Variants in ARMC8 observed in about 807,000 individuals in gnomAD.
ARMC8 encodes the protein armadillo repeat containing 8.
In ARMC8, 20 loss-of-function variants were observed where a neutral mutation model predicts 99.3. The ratio of observed to expected loss-of-function variants is 0.20; its 90% CI spans 0.14 to 0.29. ARMC8 has a LOEUF of 0.29. Ranked by LOEUF, ARMC8 falls within the 10% of genes least tolerant of loss-of-function variation. The pLI is 1.00. For synonymous variants in ARMC8, 263 were observed against 278.3 expected (o/e 0.95, Z 0.55); for missense variants, 569 against 809.5 (o/e 0.70, Z 3.60).
intron 2 of ARMC8, among the ~76,000 whole-genome samples, chr3:138,213,610 A>G (rs1452364608): frequency 6.6e-6 from 1 of 152,192 alleles, no homozygotes; most frequent in African/African-American, 2.4e-5. Context: ...CAGTTAAACT[A>G]CCCTGCATTG....
At chr3:138,255,745 C>T (rs987182682) in intron 12 of ARMC8, among the ~76,000 whole-genome samples, 2 of 152,124 alleles carry the variant, frequency 1.3e-5, no homozygotes, top group African/African-American at 4.8e-5. Context: ...TTTGGGAGGC[C>T]GAGGTGAATA....
intron 20 of ARMC8, among the ~76,000 whole-genome samples, chr3:138,289,973 A>G (rs2050784273): frequency 6.6e-6 from 1 of 152,198 alleles, no homozygotes; most frequent in Non-Finnish European, 1.5e-5. Context: ...TTCCGCCCAC[A>G]GACCTAGATA....
chr3:138,208,915 C>T (rs1202564130), intron 1 of ARMC8, among the ~76,000 whole-genome samples: 1 of 152,220 alleles, frequency 6.6e-6, no homozygotes, highest in Admixed American at 6.5e-5. Context: ...ATTCTACCCA[C>T]CCTTATCCAG....
intron 15 of ARMC8, among the ~76,000 whole-genome samples, chr3:138,268,551 C>T (rs77657600): frequency 1.3e-5 from 2 of 152,104 alleles, no homozygotes; most frequent in African/African-American, 2.4e-5. Context: ...ATCACTAATA[C>T]GATTTTTTTA....
chr3:138,191,018 TC>T (rs1444207095), intron 1 of ARMC8, among the ~76,000 whole-genome samples: 1 of 152,166 alleles, frequency 6.6e-6, no homozygotes, highest in East Asian at 1.9e-4. Context: ...AGCTGAAAGT[TC>T]AAGGATAAGT....
intron 21 of ARMC8, among the ~76,000 whole-genome samples, chr3:138,295,044 G>T (rs764724663): frequency 6.6e-6 from 1 of 151,890 alleles, no homozygotes; most frequent in Non-Finnish European, 1.5e-5. Context: ...GATTACAGGT[G>T]CCCGCTGCCA....
At chr3:138,293,232 C>T (rs536691624) in intron 21 of ARMC8, among the ~76,000 whole-genome samples, 39 of 152,166 alleles carry the variant, frequency 2.6e-4, no homozygotes, top group Non-Finnish European at 5.6e-4. Flanking sequence ...CGAAGCTTAC[C>T]ATCCTGTAGG....
At chr3:138,250,437 T>G (rs988985727) in intron 12 of ARMC8, among the ~76,000 whole-genome samples, 3 of 152,148 alleles carry the variant, frequency 2.0e-5, no homozygotes, top group African/African-American at 7.2e-5. Context: ...TTCTAAAACT[T>G]TATTCCAGTA....
At chr3:138,281,827 G>A (rs1340114421) in intron 18 of ARMC8, among the ~76,000 whole-genome samples, 1 of 152,170 alleles carries the variant, frequency 6.6e-6, no homozygotes, top group Non-Finnish European at 1.5e-5. Flanking sequence ...GTAAGAGGGG[G>A]TAGCTGTTTT....
At chr3:138,289,239 A>G (rs2050720181) in intron 20 of ARMC8, 119 bp downstream of exon 20, 3 of 753,978 alleles carry the variant, frequency 4.0e-6, no homozygotes, top group Non-Finnish European at 6.6e-6. Context: ...CATCTGGCCC[A>G]AGCACCCTCT....
chr3:138,265,883 G>A (rs2048232673), intron 14 of ARMC8, among the ~76,000 whole-genome samples: 1 of 152,116 alleles, frequency 6.6e-6, no homozygotes, highest in African/African-American at 2.4e-5. Flanking sequence ...TTGAGGTCCT[G>A]GAATAAAGCA....
At chr3:138,187,250 G>T (rs2043113774), upstream of ARMC8, 4 of 402,170 alleles carry the variant, frequency 9.9e-6, no homozygotes, top group Non-Finnish European at 1.8e-5. Flanking sequence ...CCCACCGCGA[G>T]CGGCAGGTGG....
chr3:138,207,115 A>G (rs1382368428), intron 1 of ARMC8, among the ~76,000 whole-genome samples: 4 of 152,194 alleles, frequency 2.6e-5, no homozygotes, highest in Non-Finnish European at 5.9e-5. Context: ...TTGGCTTTGC[A>G]TGCCCTGTGG....
intron 12 of ARMC8, among the ~76,000 whole-genome samples, chr3:138,256,402 CTTTT>C (rs71146121): frequency 1.3e-4 from 12 of 90,272 alleles, no homozygotes; most frequent in South Asian, 4.3e-4. Context: ...TTTCCTCCTT[CTTTT>C]TTTTTTTTTT....
chr3:138,201,436 C>CTTTTTTTTTTT lies in ARMC8; in HGVS notation c.46-8350_46-8340dup, dbSNP rs58707271. On this transcript the variant is annotated intron_variant, in intron 1 of 21. Coordinates refer to ENST00000469044, the MANE Select transcript of ARMC8 (RefSeq NM_001363941.2). The stretch of plus-strand genomic sequence containing the variant: ...TAGAGTCCTTGTCTTCTTCCCCTCC[C>CTTTTTTTTTTT]TTTTTTTTTTTTTTTTTTTTTTTTT... Among the ~76,000 whole-genome samples, 33 of 64,994 alleles carry CTTTTTTTTTTT rather than the reference C, an allele frequency of 5.1e-4. 11 individuals are homozygous for CTTTTTTTTTTT. Among genetic ancestry groups the CTTTTTTTTTTT allele is most frequent in the Non-Finnish European group, 8.2e-4 (24 of 29,394 alleles). The allele number at this position is 64,994 out of a possible 152,430, so 42.6% of individuals were successfully genotyped here. A position where few individuals can be genotyped will look rare whatever the true frequency, so the allele number is the denominator to read the frequency against.
chr3:138,262,697 TC>T, intron 12 of ARMC8: 2 of 1,065,968 alleles, frequency 1.9e-6, no homozygotes, highest in Non-Finnish European at 2.5e-6. Flanking sequence ...AAAAAAAATC[TC>T]CCCAGGTAAT....
chr3:138,277,775 C>T (rs536843760), intron 18 of ARMC8, among the ~76,000 whole-genome samples: 1 of 152,294 alleles, frequency 6.6e-6, no homozygotes, highest in Non-Finnish European at 1.5e-5. Context: ...CCAGCAATGC[C>T]ATTCCTAGCC....
chr3:138,220,158 A>T (rs762086415), intron 2 of ARMC8, among the ~76,000 whole-genome samples: 10 of 152,184 alleles, frequency 6.6e-5, no homozygotes, highest in Non-Finnish European at 1.5e-4. Flanking sequence ...TAAGGTCCAT[A>T]TGCTGATGAT....
At chr3:138,287,818 A>G (rs762004172) in intron 19 of ARMC8, 1 of 376,858 alleles carries the variant, frequency 2.7e-6, no homozygotes, top group Non-Finnish European at 5.4e-6. Flanking sequence ...TTTGCCATTG[A>G]TACTCTCTCA....
Sources: allele counts gnomAD v4.1 joint callset (sites outside exome capture counted in the v4.1 genomes callset), GRCh38; gene constraint gnomAD v4.1.1; transcripts MANE v1.5; gene names NCBI Gene and HGNC (gene_info 2026-07-23, HGNC 2026-07-21).